TMEM132B: variants seen among roughly 807,000 people sequenced by gnomAD.
TMEM132B encodes transmembrane protein 132B.
A neutral mutation model predicts 90.8 loss-of-function variants in TMEM132B; 18 were observed. The observed-to-expected ratio is 0.20, with a 90% CI of 0.14 to 0.29. The LOEUF is 0.29. Ranked by LOEUF, TMEM132B falls within the 10% of genes least tolerant of loss-of-function variation. TMEM132B has a pLI of 1.00. For missense variants in TMEM132B, 1,096 were observed against 1,326.8 expected (o/e 0.83, Z 2.70); for synonymous variants, 504 against 523.3 (o/e 0.96, Z 0.50).
At chr12:125,547,392 G>A (rs554645597) in intron 4 of TMEM132B, among the ~76,000 whole-genome samples, 4 of 152,224 alleles carry the variant, frequency 2.6e-5, no homozygotes, top group African/African-American at 7.2e-5. Flanking sequence ...TGATGACTGA[G>A]TATGTTAAAT....
intron 3 of TMEM132B, among the ~76,000 whole-genome samples, chr12:125,474,694 G>A (rs74815868): frequency 0.074 from 11,297 of 152,296 alleles, 942 homozygotes; most frequent in African/African-American, 0.21. Flanking sequence ...TTAGCACAAA[G>A]GGAAATGATT....
At chr12:125,197,373 C>T (rs1488851729) in intron 1 of TMEM132B, among the ~76,000 whole-genome samples, 2 of 152,220 alleles carry the variant, frequency 1.3e-5, no homozygotes, top group Non-Finnish European at 2.9e-5. Context: ...CCATCAACTT[C>T]CAGGACATTT....
chr12:125,566,154 T>C (rs1323504131), intron 4 of TMEM132B, among the ~76,000 whole-genome samples: 1 of 152,236 alleles, frequency 6.6e-6, no homozygotes, highest in Non-Finnish European at 1.5e-5. Context: ...CTGTGTTTCT[T>C]CACTAAATAG....
intron 1 of TMEM132B, among the ~76,000 whole-genome samples, chr12:125,231,699 TAA>T (rs1873828072): frequency 6.6e-6 from 1 of 152,160 alleles, no homozygotes; most frequent in Admixed American, 6.5e-5. Flanking sequence ...GCATATTTTT[TAA>T]ATTCTAGGAT....
chr12:125,494,379 C>T (rs1882460102), intron 3 of TMEM132B, among the ~76,000 whole-genome samples: 1 of 114,764 alleles, frequency 8.7e-6, no homozygotes, highest in Admixed American at 9.4e-5. Context: ...GAAATGGGCA[C>T]CTCCCTCCTC....
intron 1 of TMEM132B, among the ~76,000 whole-genome samples, chr12:125,307,931 A>T (rs868827034): frequency 6.0e-5 from 8 of 132,808 alleles, no homozygotes; most frequent in African/African-American, 2.0e-4. Flanking sequence ...TATATTACTT[A>T]ATATATACTT....
chr12:125,307,788 G>GTATATTACTAGTATATAAACT (rs1876020567), intron 1 of TMEM132B, among the ~76,000 whole-genome samples: 1 of 81,898 alleles, frequency 1.2e-5, no homozygotes, highest in Admixed American at 1.6e-4. Context: ...TATAATACAA[G>GTATATTACTAGTATATAAACT]TATATTACAA....
In TMEM132B at chr12:125,209,256, T is replaced by C. The variant is rs955572922; in HGVS notation, c.67+22390T>C. Among the ~76,000 whole-genome samples, 2 of 152,194 alleles carry C rather than the reference T, an allele frequency of 1.3e-5. No individual in the cohort carries two copies. The highest frequency in any genetic ancestry group is 1.5e-5 in the Non-Finnish European group (1 of 68,026). Reference sequence around the variant, plus strand: ...GCCGCTCTCTTTCTGTAAATGAATGTTGGGGAGCCTGGCCTGCTGGGTGAG... The same window carrying C: ...GCCGCTCTCTTTCTGTAAATGAATGCTGGGGAGCCTGGCCTGCTGGGTGAG... On this transcript the variant is annotated intron_variant, in intron 1 of 8. Coordinates refer to ENST00000682704, the MANE Select transcript of TMEM132B (RefSeq NM_001366854.1). This position sits in a 1 kb window ranked among gnomAD's most constrained non-coding sequence, Gnocchi z 4.4.
Position 125,350,335 on chromosome 12 carries a change from C to T in TMEM132B, c.951C>T (p.Phe317=), listed in dbSNP as rs957885720. Residue 317 remains phenylalanine (F), a synonymous_variant, in exon 2 of 9, where the codon TTC becomes TTT. Transcript: ENST00000682704. ...SLTSSSVADQ[F]TLRIKAAAGV... The stretch of plus-strand genomic sequence containing the variant: ...CCAGTAGCTCTGTGGCAGACCAGTT[C>T]ACTCTTAGGTAAGAGGCTTTGCCAG... The T allele has an allele frequency of 1.2e-5, 19 of 1,611,784 alleles. No individual in the cohort carries two copies. The highest frequency in any genetic ancestry group is 2.2e-5 in the East Asian group (1 of 44,886).
intron 5 of TMEM132B, among the ~76,000 whole-genome samples, chr12:125,617,344 CT>C (rs772003323): frequency 0.035 from 4,688 of 135,152 alleles, 169 homozygotes; most frequent in African/African-American, 0.11. Context: ...TTTCACTGCC[CT>C]TTTTTTTTTT....
At chr12:125,528,833 T>G (rs1477134708) in intron 4 of TMEM132B, among the ~76,000 whole-genome samples, 2 of 152,228 alleles carry the variant, frequency 1.3e-5, no homozygotes, top group Admixed American at 1.3e-4. Flanking sequence ...CAACCATTTT[T>G]GGCACCAGGG....
At position 125,415,488 on chromosome 12, in the gene TMEM132B, A is replaced by G; in HGVS notation, c.960-43A>G. On this transcript the variant is annotated intron_variant, in intron 2 of 8. Transcript: ENST00000682704. This position sits in a 1 kb window ranked among gnomAD's most constrained non-coding sequence, Gnocchi z 5.3. The stretch of plus-strand genomic sequence containing the variant: ...CTTTTACTACCTGTTTCAAACTAAA[A>G]TGGTTTTATTATATATAATATCATT... 6.2e-7 allele frequency: 1 copy of G among 1,600,190 alleles called. No homozygotes were observed. Among genetic ancestry groups the G allele is most frequent in the Non-Finnish European group, 8.5e-7 (1 of 1,172,666 alleles).
At chr12:125,614,145 A>G (rs1179146275) in intron 5 of TMEM132B, among the ~76,000 whole-genome samples, 2 of 152,126 alleles carry the variant, frequency 1.3e-5, no homozygotes, top group African/African-American at 4.8e-5. Flanking sequence ...CATTTTTTTT[A>G]GAAATGTGAG....
chr12:125,266,534 T>C (rs1353494333), intron 1 of TMEM132B, among the ~76,000 whole-genome samples: 1 of 152,230 alleles, frequency 6.6e-6, no homozygotes, highest in Non-Finnish European at 1.5e-5. Context: ...TGGAAGCAAG[T>C]CTAGTTGCTC....
At chr12:125,542,564 G>A (rs755851080) in intron 4 of TMEM132B, among the ~76,000 whole-genome samples, 25 of 152,294 alleles carry the variant, frequency 1.6e-4, no homozygotes, top group Admixed American at 1.0e-3. Flanking sequence ...TTTTCCTCAT[G>A]TAGGTAGATT....
At chr12:125,589,339 G>A (rs1330131475) in intron 5 of TMEM132B, among the ~76,000 whole-genome samples, 3 of 151,940 alleles carry the variant, frequency 2.0e-5, no homozygotes, top group Non-Finnish European at 2.9e-5. Context: ...AAAATTAGCC[G>A]GGCGTAGTGG....
chr12:125,413,200 A>G (rs1344435889), intron 2 of TMEM132B, among the ~76,000 whole-genome samples: 2 of 152,002 alleles, frequency 1.3e-5, no homozygotes, highest in Non-Finnish European at 2.9e-5. Context: ...CTTGAACTCT[A>G]CCATGAGAGG....
chr12:125,621,932 CTATA>C (rs1886123351), intron 5 of TMEM132B, among the ~76,000 whole-genome samples: 2 of 152,276 alleles, frequency 1.3e-5, no homozygotes, highest in South Asian at 4.1e-4. Context: ...TACTTTAAAA[CTATA>C]TATAACTTAG....
Position 125,656,170 on chromosome 12 carries a change from T to G in TMEM132B, c.*1460T>G, listed in dbSNP as rs1260207500. On this transcript the variant is annotated 3_prime_UTR_variant, in exon 9 of 9. Transcript: ENST00000682704. ...AGATTAGCAAAATGTGATGACATAT[T>G]TATTAAGATTGTATTATTGGAAATG... The G allele has an allele frequency of 6.6e-6, 1 of 152,220 alleles. No homozygotes were observed. Among genetic ancestry groups the G allele is most frequent in the Non-Finnish European group, 1.5e-5 (1 of 68,036 alleles). The allele number at this position is 152,220 out of a possible 1,614,324, so 9.4% of individuals were successfully genotyped here. A position where few individuals can be genotyped will look rare whatever the true frequency, so the allele number is the denominator to read the frequency against.
Sources: allele counts gnomAD v4.1 joint callset (sites outside exome capture counted in the v4.1 genomes callset), GRCh38; gene constraint gnomAD v4.1.1; non-coding constraint Gnocchi (gnomAD v3.1); transcripts MANE v1.5; gene names NCBI Gene and HGNC (gene_info 2026-07-23, HGNC 2026-07-21).